SLC6A8: variants seen among roughly 807,000 people sequenced by gnomAD.
The protein encoded by SLC6A8 is solute carrier family 6 member 8, also known as sodium- and chloride-dependent creatine transporter 1.
In SLC6A8, 6 loss-of-function variants were observed where a neutral mutation model predicts 48.3. That is an observed-to-expected ratio of 0.12 (90% CI 0.07 to 0.25). The LOEUF (loss-of-function observed/expected upper bound fraction) is 0.25, where lower values mean the gene tolerates loss of function less well. SLC6A8 is among the 10% of genes least tolerant of loss of function. The probability of loss-of-function intolerance (pLI) is 1.00; values close to 1 mark genes in which losing one functional copy is unlikely to be tolerated. For missense variants in SLC6A8, 260 were observed against 551.5 expected (o/e 0.47, Z 5.29); for synonymous variants, 245 against 244.0 (o/e 1.00, Z -0.04).
intron 7 of SLC6A8, 83 bp from the exon 8 acceptor site, chrX:153,693,822 G>T: frequency 1.1e-6 from 1 of 882,379 alleles, no homozygotes; most frequent in African/African-American, 2.0e-5. Flanking sequence ...GTGGGCATGG[G>T]CGCGAGTGTT....
intron 12 of SLC6A8, 37 bp downstream of exon 12, chrX:153,694,926 C>T (rs1557045776): frequency 8.9e-6 from 10 of 1,120,305 alleles, no homozygotes; most frequent in Non-Finnish European, 1.2e-5. Context: ...CCCTCCCCTG[C>T]TGTGAACATT....
intron 1 of SLC6A8, chrX:153,689,336 G>C (rs1264654327): frequency 2.9e-5 from 3 of 105,239 alleles, no homozygotes; most frequent in African/African-American, 1.1e-4. Context: ...AACACTGGGT[G>C]CCCGAGCCAG....
rs1164834214 is a variant in SLC6A8, at chrX:153,688,270, AGCCGCCGCC to A, written c.-289_-281del. On this transcript the variant is annotated 5_prime_UTR_variant, in exon 1 of 13. Transcript: ENST00000253122. ...CCGAGCCGCGGGCAGGAGCCTCGGG[AGCCGCCGCC>A]GCCGCCGCCGCCGCCCGGCCGGGCC... 11 of 94,641 alleles carry A rather than the reference AGCCGCCGCC, an allele frequency of 1.2e-4. No homozygotes were observed. Among genetic ancestry groups the A allele is most frequent in the South Asian group, 7.5e-4 (2 of 2,684 alleles). The allele number at this position is 94,641 out of a possible 1,213,427, so 7.8% of individuals were successfully genotyped here. A position where few individuals can be genotyped will look rare whatever the true frequency, so the allele number is the denominator to read the frequency against.
At chrX:153,692,205 G>T in intron 4 of SLC6A8, 98 bp downstream of exon 4, 1 of 900,729 alleles carries the variant, frequency 1.1e-6, no homozygotes, top group Non-Finnish European at 1.6e-6. Context: ...ACCAGACAGA[G>T]TCTAGCCCTA....
In SLC6A8 at chrX:153,696,034, CT is replaced by C. The variant is rs2091489692; in HGVS notation, c.*822del. 1.3e-5 allele frequency: 2 copies of C among 154,271 alleles called. No homozygotes were observed. The highest frequency in any genetic ancestry group is 2.5e-5 in the Non-Finnish European group (2 of 80,009). 12.7% of individuals were successfully genotyped at this position (154,271 alleles called of 1,213,427 possible). A position where few individuals can be genotyped will look rare whatever the true frequency, so the allele number is the denominator to read the frequency against. Reference sequence around the variant, plus strand: ...CCACTCCCATCCCTGTGAGCCCTACCTTACCCCTCTGCCCCTAGCCAAGGAG... The same window carrying C: ...CCACTCCCATCCCTGTGAGCCCTACCTACCCCTCTGCCCCTAGCCAAGGAG... On this transcript the variant is annotated 3_prime_UTR_variant, in exon 13 of 13. Coordinates refer to ENST00000253122, the MANE Select transcript of SLC6A8 (RefSeq NM_005629.4).
chrX:153,692,786 C>T (rs2091463606), intron 4 of SLC6A8: 1 of 465,708 alleles, frequency 2.1e-6, no homozygotes, highest in Non-Finnish European at 3.9e-6. Context: ...CTGAGGAGAG[C>T]TCCCAGAGGC....
At chrX:153,693,213 G>C in intron 5 of SLC6A8, 38 bp downstream of exon 5, 1 of 1,207,785 alleles carries the variant, frequency 8.3e-7, no homozygotes, top group Non-Finnish European at 1.1e-6. Flanking sequence ...AGGGCGCTGC[G>C]GGGGAGCCCT....
At position 153,696,123 on chromosome X, in the gene SLC6A8, G is replaced by C. The variant is rs1215158507; in HGVS notation, c.*909G>C. ...AAGCTTCGAGCTGTTGCGTGTGTGA[G>C]TCTGTTGTGTGGATGTGCGTGTGTG... is the stretch of plus-strand genomic sequence containing the variant. On this transcript the variant is annotated 3_prime_UTR_variant, in exon 13 of 13. Transcript: ENST00000253122. 1.6e-4 allele frequency: 35 copies of C among 220,911 alleles called. No individual in the cohort carries two copies. In the South Asian group the frequency reaches 1.8e-3, roughly 12 times the overall value. 18.2% of individuals were successfully genotyped at this position (220,911 alleles called of 1,213,427 possible).
chrX:153,688,563 CCCGCCGAGG>C lies in SLC6A8; in HGVS notation c.-9_-1del, dbSNP rs1454951551. 5.1e-6 allele frequency: 5 copies of C among 985,587 alleles called. No homozygotes were observed. In the Admixed American group the frequency reaches 1.7e-4, roughly 33 times the overall value. 81.2% of individuals were successfully genotyped at this position (985,587 alleles called of 1,213,427 possible). On this transcript the variant is annotated 5_prime_UTR_variant, in exon 1 of 13. Transcript: ENST00000253122. Reference sequence around the variant, plus strand: ...CCGCGACCCCGGCCCGGCCGTGCGGCCCGCCGAGGCCATGGCGAAGAAGAGCGCCGAGAA... The same window carrying C: ...CCGCGACCCCGGCCCGGCCGTGCGGCCCATGGCGAAGAAGAGCGCCGAGAA...
intron 2 of SLC6A8, 99 bp downstream of exon 2, chrX:153,690,605 C>A (rs1388218001): frequency 1.4e-5 from 13 of 928,691 alleles, no homozygotes; most frequent in Middle Eastern, 3.9e-4. Context: ...CCTGGGGCCA[C>A]GTGATGGCGT....
In SLC6A8 at chrX:153,695,429, TC is replaced by T. The variant is rs1254092900; in HGVS notation, c.*220del. 7 of 439,964 alleles carry T rather than the reference TC, an allele frequency of 1.6e-5. No homozygotes were observed. The highest frequency in any genetic ancestry group is 3.9e-5 in the East Asian group (1 of 25,396). 36.3% of individuals were successfully genotyped at this position (439,964 alleles called of 1,213,427 possible). A position where few individuals can be genotyped will look rare whatever the true frequency, so the allele number is the denominator to read the frequency against. ...ACAACCCACCAAAAATAGATGCCTCTCCCCCTCCAGCCCTAGCCGAGCTGGT... is the reference window on the plus strand; with the variant it reads ...ACAACCCACCAAAAATAGATGCCTCTCCCCTCCAGCCCTAGCCGAGCTGGT... On this transcript the variant is annotated 3_prime_UTR_variant, in exon 13 of 13. Transcript: ENST00000253122.
rs782696913 is a variant in SLC6A8 at position 153,694,051 on chromosome X, G to A, written c.1254+34G>A. On this transcript the variant is annotated intron_variant, in intron 8 of 12. Coordinates refer to ENST00000253122, the MANE Select transcript of SLC6A8 (RefSeq NM_005629.4). ...GGGGCTCTGGGACAGGGAGCCAGGA[G>A]GGGGGCGGAGGGAGGGCTGCAGGCA... The A allele has an allele frequency of 6.8e-6, 8 of 1,183,042 alleles. No homozygotes were observed. The African/African-American group carries it at 7.1e-5, about 10-fold the overall frequency.
chrX:153,690,892 ACCCC>A, intron 2 of SLC6A8: 1 of 173,878 alleles, frequency 5.8e-6, no homozygotes, highest in South Asian at 6.3e-5. Context: ...GCGACTAGAA[ACCCC>A]CCCCCCCCAC....
rs145438966 is a variant in SLC6A8 at position 153,694,800 on chromosome X, A to G, written c.1678A>G (p.Met560Val). ...CGTGTACCCGTGGTGGGGTGAGGCC[A>G]TGGGCTGGGCCTTCGCCCTGTCCTC... ...TYVYPWWGEA[M>V]GWAFALSSML... Residue 560 changes from methionine to valine, a missense_variant, in exon 12 of 13, where the codon ATG (methionine) becomes GTG (valine). By Grantham distance (21) the Met-to-Val change is conservative. Coordinates refer to ENST00000253122, the MANE Select transcript of SLC6A8 (RefSeq NM_005629.4). The G allele has an allele frequency of 8.9e-4, 1,071 of 1,209,092 alleles. 6 individuals are homozygous for G. In the South Asian group the frequency reaches 0.012, roughly 13 times the overall value.
In SLC6A8 at chrX:153,691,431, C is replaced by T. The variant is rs1557044433; in HGVS notation, c.522C>T (p.His174=). The T allele has an allele frequency of 5.8e-6, 7 of 1,210,699 alleles. No individual in the cohort carries two copies. The highest frequency in any genetic ancestry group is 2.3e-4 in the Middle Eastern group (1 of 4,337). The change falls in exon 3 of 13, where the codon CAC becomes CAT. Residue 174 remains histidine (H), a synonymous_variant. Transcript: ENST00000253122. ...CGCTGCCCTGGGCCACATGTGGCCA[C>T]ACCTGGAACACTCCCGACTGCGTGG... The part of the protein sequence containing the change: ...TTTLPWATCG[H]TWNTPDCVEI...
intron 3 of SLC6A8, among the ~76,000 whole-genome samples, chrX:153,691,755 CT>C (rs1305011901): frequency 8.9e-6 from 1 of 112,953 alleles, no homozygotes; most frequent in Non-Finnish European, 1.9e-5. Flanking sequence ...GTCCTGGTCA[CT>C]CCCCCCTGAT....
rs2148361744 is a variant in SLC6A8, at chrX:153,692,113, A to G, written c.777+6A>G. 2 of 1,200,173 alleles carry G rather than the reference A, an allele frequency of 1.7e-6. No homozygotes were observed. Among genetic ancestry groups the G allele is most frequent in the Non-Finnish European group, 2.3e-6 (2 of 888,676 alleles). ...GGGTCAAATCCACGGGAAAGGTACC[A>G]CTAGAGGCATGCAGCGGGGAGGGTG... On this transcript the variant is annotated splice_donor_region_variant and intron_variant, in intron 4 of 12. Transcript: ENST00000253122.
chrX:153,691,586 C>A, intron 3 of SLC6A8, 33 bp downstream of exon 3: 1 of 1,208,398 alleles, frequency 8.3e-7, no homozygotes. Context: ...AAGCCCATCC[C>A]ATCCCCCAGG....
In SLC6A8 at chrX:153,695,823, A is replaced by G. The variant is rs2091487899; in HGVS notation, c.*609A>G. ...ATTGTGTGAGCTTGGGTGCGAGTGC[A>G]CGCGTGCGTGAGTACGGAGAGTATA... On this transcript the variant is annotated 3_prime_UTR_variant, in exon 13 of 13. Transcript: ENST00000253122. 1 of 136,663 alleles carries G rather than the reference A, an allele frequency of 7.3e-6. No homozygotes were observed. The highest frequency in any genetic ancestry group is 3.2e-5 in the African/African-American group (1 of 31,639). The allele number at this position is 136,663 out of a possible 1,213,427, so 11.3% of individuals were successfully genotyped here.
Sources: allele counts gnomAD v4.1 joint callset (sites outside exome capture counted in the v4.1 genomes callset), GRCh38; gene constraint gnomAD v4.1.1; transcripts MANE v1.5; gene names NCBI Gene and HGNC (gene_info 2026-07-23, HGNC 2026-07-21).